The following KIF1B variants were observed in gnomAD, a reference collection of about 807,000 sequenced individuals.
The protein encoded by KIF1B is kinesin family member 1B.
KIF1B carries 76 observed loss-of-function variants against 241.9 expected under a neutral mutation model. The ratio of observed to expected loss-of-function variants is 0.31; its 90% CI spans 0.26 to 0.38. The LOEUF is 0.38. Among genes scored for constraint, KIF1B ranks in the 10% least tolerant of loss-of-function variants. The pLI, the probability that KIF1B is intolerant of heterozygous loss-of-function variation, is 1.00. For synonymous variants in KIF1B, 750 were observed against 796.7 expected, an observed-to-expected ratio of 0.94 and a Z score of 0.99; for missense variants, 1,622 against 2,271.4, an observed-to-expected ratio of 0.71 and a Z score of 5.81.
At chr1:10,348,182 A>C (rs1652655978) in intron 36 of KIF1B, among the ~76,000 whole-genome samples, 1 of 152,184 alleles carries the variant, frequency 6.6e-6, no homozygotes, top group Admixed American at 6.5e-5. Flanking sequence ...GGAATAGAGG[A>C]TGAAGGTTTC....
chr1:10,307,244 A>G (rs1435609856), intron 22 of KIF1B: 12 of 1,023,140 alleles, frequency 1.2e-5, no homozygotes, highest in Non-Finnish European at 1.3e-5. Context: ...TGAGTCTCTT[A>G]CTAAATAAGT....
At chr1:10,294,919 AAG>A (rs1650187681) in intron 17 of KIF1B, among the ~76,000 whole-genome samples, 165 bp from the exon 18 acceptor site, 1 of 152,144 alleles carries the variant, frequency 6.6e-6, no homozygotes, top group Non-Finnish European at 1.5e-5. Flanking sequence ...GTGAGGCCTG[AAG>A]AGAGTGTTTT....
At chr1:10,322,003 A>G in intron 24 of KIF1B, 146 bp downstream of exon 24, 1 of 791,400 alleles carries the variant, frequency 1.3e-6, no homozygotes, top group South Asian at 1.7e-5. Context: ...TCTTTATTTA[A>G]TATATGTGGC....
chr1:10,346,640 T>C (rs1194715184), intron 35 of KIF1B, among the ~76,000 whole-genome samples: 2 of 152,222 alleles, frequency 1.3e-5, no homozygotes, highest in Non-Finnish European at 2.9e-5. Context: ...GCTGGGATTA[T>C]AGGCGTGAGC....
rs1050166423 is a variant in KIF1B, at chr1:10,229,204, T to A, written c.-79-3046T>A. Among the ~76,000 whole-genome samples the A allele has an allele frequency of 5.3e-5, 8 of 152,180 alleles. No individual in the cohort carries two copies. The East Asian group carries it at 1.5e-3, about 29-fold the overall frequency. ...TTGATACATGTGATCATAAAAATAT[T>A]TGATATTTAAATAAAGAACCATCAG... On this transcript the variant is annotated intron_variant, in intron 1 of 48. Transcript: ENST00000676179.
chr1:10,267,289 A>G, intron 5 of KIF1B, 91 bp from the exon 6 acceptor site: 1 of 1,097,906 alleles, frequency 9.1e-7, no homozygotes, highest in Non-Finnish European at 1.4e-6. Flanking sequence ...TGGCCTCCCA[A>G]AGTGCTGGGA....
Position 10,337,297 on chromosome 1 carries a change from G to T in KIF1B, c.3260-74G>T. On this transcript the variant is annotated intron_variant, in intron 30 of 48. Coordinates refer to ENST00000676179, the MANE Select transcript of KIF1B (RefSeq NM_001365951.3). This position sits in a 1 kb window ranked among gnomAD's most constrained non-coding sequence, Gnocchi z 4.0. ...GGACATAGTGGCCTTCATCAACTAG[G>T]AATGGAAAGCATGCCCAACTCCCTC... The T allele has an allele frequency of 6.2e-7, 1 of 1,612,206 alleles. No individual in the cohort carries two copies. Among genetic ancestry groups the T allele is most frequent in the Admixed American group, 1.7e-5 (1 of 60,030 alleles).
At chr1:10,238,857 GAGAA>G (rs1647094826) in intron 2 of KIF1B, among the ~76,000 whole-genome samples, 1 of 152,020 alleles carries the variant, frequency 6.6e-6, no homozygotes, top group African/African-American at 2.4e-5. Context: ...AATAATAAAC[GAGAA>G]AGAAAAGTCA....
intron 1 of KIF1B, among the ~76,000 whole-genome samples, chr1:10,224,803 A>T (rs1323661104): frequency 6.6e-6 from 1 of 152,182 alleles, no homozygotes; most frequent in African/African-American, 2.4e-5. Context: ...ACCAAAAAAA[A>T]TAACTATTGT....
chr1:10,225,770 TC>T (rs1646901229), intron 1 of KIF1B, among the ~76,000 whole-genome samples: 1 of 152,166 alleles, frequency 6.6e-6, no homozygotes, highest in Non-Finnish European at 1.5e-5. Flanking sequence ...AAGGCAGTGT[TC>T]ATGTGGGCTT....
intron 22 of KIF1B, among the ~76,000 whole-genome samples, chr1:10,315,472 A>G (rs1482619476): frequency 1.3e-5 from 2 of 151,252 alleles, no homozygotes; most frequent in African/African-American, 4.9e-5. Flanking sequence ...CACTGCATCC[A>G]GCCAGGAATA....
At chr1:10,339,999 G>A (rs1273595376) in intron 32 of KIF1B, 140 bp downstream of exon 32, 1 of 757,886 alleles carries the variant, frequency 1.3e-6, no homozygotes, top group Admixed American at 2.0e-5. Context: ...GGCTAGAGTG[G>A]TGAGGTCATC....
At position 10,326,393 on chromosome 1, in the gene KIF1B, G is replaced by A; in HGVS notation, c.2924+34G>A. 6.2e-7 allele frequency: 1 copy of A among 1,613,526 alleles called. No homozygotes were observed. Among genetic ancestry groups the A allele is most frequent in the Non-Finnish European group, 8.5e-7 (1 of 1,180,020 alleles). ...GGTTATTGTGAGAAAGGCGAAAAGGGACCAGCTCTTGCTCTGAAGGCCTCC... is the reference window on the plus strand; with the variant it reads ...GGTTATTGTGAGAAAGGCGAAAAGGAACCAGCTCTTGCTCTGAAGGCCTCC... On this transcript the variant is annotated intron_variant, in intron 27 of 48. Transcript: ENST00000676179. The surrounding 1 kb of genome is among the most constrained non-coding windows in gnomAD (Gnocchi z 5.2).
Position 10,336,643 on chromosome 1 carries a change from T to G in KIF1B, c.3044-14T>G. 6.2e-7 allele frequency: 1 copy of G among 1,610,808 alleles called. No homozygotes were observed. The highest frequency in any genetic ancestry group is 8.5e-7 in the Non-Finnish European group (1 of 1,177,108). On this transcript the variant is annotated splice_polypyrimidine_tract_variant and intron_variant, in intron 28 of 48. Transcript: ENST00000676179. ...GTCTCACTCAATTCTTGCTAATTTT[T>G]TTTTCTGCTTTAGCGGATGAAGAAG...
chr1:10,351,091 G>T (rs184975604), intron 37 of KIF1B, among the ~76,000 whole-genome samples: 35 of 124,842 alleles, frequency 2.8e-4, no homozygotes, highest in African/African-American at 9.2e-4. Flanking sequence ...AAAAAAAAAA[G>T]AATCGTTGGA....
intron 11 of KIF1B, among the ~76,000 whole-genome samples, 193 bp from the exon 12 acceptor site, chr1:10,276,128 G>A (rs532142843): frequency 1.8e-4 from 27 of 151,566 alleles, no homozygotes; most frequent in Admixed American, 1.7e-3. Context: ...GGCTGGTCTC[G>A]AACTCCTGAC....
At chr1:10,341,943 C>T (rs1325549607) in intron 32 of KIF1B, 107 bp from the exon 33 acceptor site, 7 of 790,298 alleles carry the variant, frequency 8.9e-6, no homozygotes, top group Non-Finnish European at 1.5e-5. Flanking sequence ...CAGAGCAAGA[C>T]CTTGCCTCAA....
chr1:10,373,578 T>C lies in KIF1B; in HGVS notation c.4947-738T>C, dbSNP rs558280523. Among the ~76,000 whole-genome samples, 11 of 151,856 alleles carry C rather than the reference T, an allele frequency of 7.2e-5. No homozygotes were observed. The South Asian group carries it at 2.3e-3, about 31-fold the overall frequency. ...AAAAAGAATGAAGTATGAGAAAAAG[T>C]TAAAATGGGCTTTTTAGATTTAGTG... On this transcript the variant is annotated intron_variant, in intron 45 of 48. Coordinates refer to ENST00000676179, the MANE Select transcript of KIF1B (RefSeq NM_001365951.3).
chr1:10,354,492 CCTTT>C (rs1233798752), intron 38 of KIF1B, among the ~76,000 whole-genome samples: 1 of 151,932 alleles, frequency 6.6e-6, no homozygotes, highest in East Asian at 1.9e-4. Flanking sequence ...ATCATTTTCC[CCTTT>C]CTTTTACATT....
Sources: gnomAD v4.1 joint callset for allele counts (sites outside exome capture counted in the v4.1 genomes callset) on GRCh38, gnomAD v4.1.1 for gene constraint, Gnocchi (gnomAD v3.1) non-coding constraint, MANE v1.5 for transcripts, NCBI Gene and HGNC (gene_info 2026-07-23, HGNC 2026-07-21) for gene names.